RSPO4: variants seen among roughly 807,000 people sequenced by gnomAD.
RSPO4 encodes the protein R-spondin 4.
In RSPO4, 23 loss-of-function variants were observed where a neutral mutation model predicts 24.8. The ratio of observed to expected loss-of-function variants is 0.93; its 90% CI spans 0.67 to 1.31. The LOEUF (loss-of-function observed/expected upper bound fraction) is 1.31, where lower values mean the gene tolerates loss of function less well. RSPO4 is among the 40% of genes most tolerant of loss of function. The pLI is 0.00. For synonymous variants in RSPO4, 141 were observed against 127.4 expected (o/e 1.11, Z -0.72); for missense variants, 333 against 316.5 (o/e 1.05, Z -0.39).
intron 4 of RSPO4, among the ~76,000 whole-genome samples, chr20:962,640 G>T (rs1300069154): frequency 2.6e-5 from 4 of 152,198 alleles, no homozygotes; most frequent in Admixed American, 2.6e-4. Context: ...GACTCCCAAA[G>T]GCTCCTATCT....
chr20:982,914 G>A (rs1197195658), intron 1 of RSPO4, among the ~76,000 whole-genome samples: 1 of 152,252 alleles, frequency 6.6e-6, no homozygotes, highest in Non-Finnish European at 1.5e-5. Flanking sequence ...TAGGACGTCT[G>A]CAGTGGCAGG....
At chr20:996,854 C>T (rs1172498018) in intron 1 of RSPO4, among the ~76,000 whole-genome samples, 1 of 152,132 alleles carries the variant, frequency 6.6e-6, no homozygotes, top group Non-Finnish European at 1.5e-5. Flanking sequence ...CTCCACCTGG[C>T]CACACTCTCT....
At chr20:972,072 T>C (rs1984425467) in intron 1 of RSPO4, among the ~76,000 whole-genome samples, 1 of 152,162 alleles carries the variant, frequency 6.6e-6, no homozygotes. Context: ...CTGATTTTTA[T>C]TTTATTTTTT....
chr20:974,020 C>G (rs1276939838), intron 1 of RSPO4, among the ~76,000 whole-genome samples: 3 of 152,290 alleles, frequency 2.0e-5, no homozygotes, highest in East Asian at 1.9e-4. Context: ...CTCTCTACCC[C>G]CTGCCCTAAA....
chr20:997,375 G>A (rs1985328932), intron 1 of RSPO4, among the ~76,000 whole-genome samples: 2 of 152,228 alleles, frequency 1.3e-5, no homozygotes, highest in Admixed American at 1.3e-4. Context: ...AGTGGAAGAA[G>A]GATGGCAAAT....
chr20:991,040 T>G (rs1377900321), intron 1 of RSPO4, among the ~76,000 whole-genome samples: 2 of 152,126 alleles, frequency 1.3e-5, no homozygotes, highest in Non-Finnish European at 2.9e-5. Context: ...CTTGGAAGAA[T>G]CCCTCGCGGG....
At position 959,569 on chromosome 20, in the gene RSPO4, A is replaced by G. The variant is rs13037150; in HGVS notation, c.*788T>C. The G allele has an allele frequency of 0.091, 13,937 of 152,490 alleles. 732 individuals are homozygous for G. Among genetic ancestry groups the G allele is most frequent in the East Asian group, 0.21 (1,108 of 5,166 alleles). The allele number at this position is 152,490 out of a possible 1,614,324, so 9.4% of individuals were successfully genotyped here. A position where few individuals can be genotyped will look rare whatever the true frequency, so the allele number is the denominator to read the frequency against. On this transcript the variant is annotated 3_prime_UTR_variant, in exon 5 of 5. Transcript: ENST00000217260. ...GGGAAAAAGGGGCATGGAACCCATG[A>G]GAGGGAGGCCTGTGGGGGAGTGCCG...
chr20:964,817 CACACACACACACACAT>C, intron 3 of RSPO4, among the ~76,000 whole-genome samples: 1 of 87,184 alleles, frequency 1.1e-5, no homozygotes, highest in Non-Finnish European at 2.5e-5. Flanking sequence ...CACACACACA[CACACACACACACACAT>C]ATATATATAT....
At chr20:992,561 C>T (rs1176718719) in intron 1 of RSPO4, among the ~76,000 whole-genome samples, 1 of 152,148 alleles carries the variant, frequency 6.6e-6, no homozygotes, top group Non-Finnish European at 1.5e-5. Context: ...ACAGTTATCA[C>T]CATTAAAGAA....
intron 1 of RSPO4, among the ~76,000 whole-genome samples, chr20:975,923 G>A (rs742923): frequency 0.037 from 5,642 of 152,258 alleles, 251 homozygotes; most frequent in African/African-American, 0.1. Context: ...CAGACCACCT[G>A]CAGCAGGCAT....
chr20:995,179 GAATTTCAGAGAGA>G (rs936704923), intron 1 of RSPO4, among the ~76,000 whole-genome samples: 4 of 152,144 alleles, frequency 2.6e-5, no homozygotes, highest in East Asian at 1.9e-4. Flanking sequence ...CCCTTCTCCA[GAATTTCAGAGAGA>G]AAATGAAAGC....
At chr20:960,987 C>T (rs989874655) in intron 4 of RSPO4, among the ~76,000 whole-genome samples, 4 of 152,234 alleles carry the variant, frequency 2.6e-5, no homozygotes, top group Admixed American at 1.3e-4. Flanking sequence ...TCACAACAGC[C>T]GAGAGAGGCA....
chr20:962,146 G>A (rs944890019), intron 4 of RSPO4, among the ~76,000 whole-genome samples: 1 of 152,204 alleles, frequency 6.6e-6, no homozygotes, highest in African/African-American at 2.4e-5. Flanking sequence ...TGCCGTCACT[G>A]GAGATCACAC....
At chr20:989,331 C>T (rs987033871) in intron 1 of RSPO4, among the ~76,000 whole-genome samples, 12 of 152,170 alleles carry the variant, frequency 7.9e-5, no homozygotes, top group African/African-American at 2.9e-4. Context: ...TGAGTCTCTG[C>T]ACCTCTTCTG....
intron 1 of RSPO4, among the ~76,000 whole-genome samples, chr20:975,116 G>T (rs1281754681): frequency 6.6e-6 from 1 of 152,108 alleles, no homozygotes; most frequent in African/African-American, 2.4e-5. Flanking sequence ...AATAAAAATG[G>T]ATGTAGCTCA....
At chr20:975,418 C>T (rs1984531563) in intron 1 of RSPO4, among the ~76,000 whole-genome samples, 1 of 152,186 alleles carries the variant, frequency 6.6e-6, no homozygotes, top group Non-Finnish European at 1.5e-5. Context: ...TAACAACTGT[C>T]TCCCATAATC....
intron 1 of RSPO4, among the ~76,000 whole-genome samples, chr20:973,721 G>A (rs6086733): frequency 0.084 from 12,728 of 152,212 alleles, 600 homozygotes; most frequent in East Asian, 0.14. Flanking sequence ...AAAAGCTACA[G>A]TATATGCTGA....
At chr20:960,620 G>A (rs1336719418) in intron 4 of RSPO4, among the ~76,000 whole-genome samples, 154 bp from the exon 5 acceptor site, 1 of 152,244 alleles carries the variant, frequency 6.6e-6, no homozygotes, top group Non-Finnish European at 1.5e-5. Flanking sequence ...CTCCTGTTGA[G>A]AGTTTGGACC....
In RSPO4 at chr20:1,002,275, C is replaced by T; in HGVS notation, c.-111G>A. The T allele has an allele frequency of 3.9e-6, 2 of 514,454 alleles. No individual in the cohort carries two copies. The highest frequency in any genetic ancestry group is 5.4e-6 in the Non-Finnish European group (2 of 373,094). 31.9% of individuals were successfully genotyped at this position (514,454 alleles called of 1,614,324 possible). A position where few individuals can be genotyped will look rare whatever the true frequency, so the allele number is the denominator to read the frequency against. On this transcript the variant is annotated 5_prime_UTR_variant, in exon 1 of 5. An upstream start codon of the reference 5' UTR is lost. Transcript: ENST00000217260. The surrounding 1 kb of genome is among the most constrained non-coding windows in gnomAD (Gnocchi z 4.6). ...GGGGCTGCTGTGGGCGCGCCGGGCG[C>T]ATCCGCCAGGCGCGGGTCGGTCCGG...
Sources: gnomAD v4.1 joint callset for allele counts (sites outside exome capture counted in the v4.1 genomes callset) on GRCh38, gnomAD v4.1.1 for gene constraint, Gnocchi (gnomAD v3.1) non-coding constraint, MANE v1.5 for transcripts, NCBI Gene and HGNC (gene_info 2026-07-23, HGNC 2026-07-21) for gene names.